Variants in RANBP2 observed in about 807,000 individuals in gnomAD.
RANBP2 encodes the protein RAN binding protein 2.
A neutral mutation model predicts 303.6 loss-of-function variants in RANBP2; 57 were observed. The ratio of observed to expected loss-of-function variants is 0.19; its 90% CI spans 0.15 to 0.23. RANBP2 has a LOEUF of 0.23. Among genes scored for constraint, RANBP2 ranks in the 10% least tolerant of loss-of-function variants. RANBP2 has a pLI of 1.00. For missense variants in RANBP2, 3,138 were observed against 3,780.8 expected, an observed-to-expected ratio of 0.83 and a Z score of 4.46; for synonymous variants, 1,167 against 1,301.5, an observed-to-expected ratio of 0.90 and a Z score of 2.23.
the RANBP2 span, chr2:109,616,810 A>G: frequency 6.0e-6 from 1 of 167,118 alleles, no homozygotes; most frequent in Non-Finnish European, 1.5e-5. Flanking sequence ...ATTAATAACT[A>G]CACAAAATTT....
chr2:109,574,443 TAAAAAAA>T, the RANBP2 span: 6 of 269,322 alleles, frequency 2.2e-5, no homozygotes, highest in Admixed American at 1.7e-4. Context: ...ACTTTATCTC[TAAAAAAA>T]AAAAAAAAAA....
intron 9 of RANBP2, among the ~76,000 whole-genome samples, chr2:108,750,590 T>TTCTTA (rs1364847050): frequency 2.0e-5 from 3 of 151,248 alleles, no homozygotes; most frequent in Non-Finnish European, 4.4e-5. Flanking sequence ...TTCTTTTCTT[T>TTCTTA]TCTTTTCTTT....
At chr2:109,385,019 ACCCTCCCTGCATGCCTGG>A in the RANBP2 span, among the ~76,000 whole-genome samples, 2 of 151,990 alleles carry the variant, frequency 1.3e-5, no homozygotes, top group Non-Finnish European at 2.9e-5. Flanking sequence ...CCAGCCTCAC[ACCCTCCCTGCATGCCTGG>A]CCCTGATCGT....
the RANBP2 span, among the ~76,000 whole-genome samples, chr2:109,357,245 G>A: frequency 1.3e-4 from 19 of 151,670 alleles, no homozygotes; most frequent in African/African-American, 1.7e-4. Context: ...GCAGTGGCAC[G>A]ATCTCGGCTT....
At chr2:108,922,354 C>G in the RANBP2 span, among the ~76,000 whole-genome samples, 1 of 152,240 alleles carries the variant, frequency 6.6e-6, no homozygotes, top group East Asian at 1.9e-4. Flanking sequence ...GAGCTGCGGC[C>G]TCCTCTAATT....
the RANBP2 span, among the ~76,000 whole-genome samples, chr2:108,792,191 A>C: frequency 7.2e-5 from 11 of 152,182 alleles, no homozygotes; most frequent in African/African-American, 2.7e-4. Flanking sequence ...ATTTCAAGGA[A>C]TGAGACAACC....
chr2:108,855,547 C>G, the RANBP2 span, among the ~76,000 whole-genome samples: 7 of 151,436 alleles, frequency 4.6e-5, no homozygotes, highest in Non-Finnish European at 7.4e-5. Flanking sequence ...CAGAATCTAG[C>G]AACTTTGTTT....
At chr2:109,433,739 C>T in the RANBP2 span, among the ~76,000 whole-genome samples, 2 of 152,202 alleles carry the variant, frequency 1.3e-5, no homozygotes, top group African/African-American at 2.4e-5. Flanking sequence ...TGCCCAGAAG[C>T]GGGGGCTAAG....
At chr2:108,973,690 C>T in the RANBP2 span, among the ~76,000 whole-genome samples, 7 of 152,152 alleles carry the variant, frequency 4.6e-5, no homozygotes, top group Middle Eastern at 3.2e-3. Context: ...ACATGGTGAC[C>T]GCTGCCTGTT....
chr2:108,865,146 A>T, the RANBP2 span, among the ~76,000 whole-genome samples: 2 of 152,022 alleles, frequency 1.3e-5, no homozygotes, highest in Admixed American at 6.5e-5. Flanking sequence ...TATATATTTT[A>T]TATAGATATA....
chr2:108,831,790 T>TG, the RANBP2 span, among the ~76,000 whole-genome samples: 3 of 150,808 alleles, frequency 2.0e-5, no homozygotes, highest in Non-Finnish European at 4.4e-5. Context: ...TGGAGCGCAA[T>TG]GGCATGATCT....
the RANBP2 span, chr2:109,615,922 G>C: frequency 9.3e-6 from 15 of 1,608,332 alleles, no homozygotes; most frequent in Non-Finnish European, 1.3e-5. Flanking sequence ...ATCCGATTCA[G>C]AACCCAGATC....
chr2:109,029,835 T>C, the RANBP2 span, among the ~76,000 whole-genome samples: 1 of 152,238 alleles, frequency 6.6e-6, no homozygotes, highest in Non-Finnish European at 1.5e-5. Context: ...GCTGTTTCTC[T>C]CAAATGGATG....
At chr2:109,195,097 A>G in the RANBP2 span, among the ~76,000 whole-genome samples, 16 of 152,344 alleles carry the variant, frequency 1.1e-4, no homozygotes, top group Admixed American at 9.8e-4. Context: ...AAAGAAGAGC[A>G]TTTTACACCT....
the RANBP2 span, among the ~76,000 whole-genome samples, chr2:109,003,227 A>T: frequency 4.6e-5 from 7 of 150,962 alleles, no homozygotes; most frequent in Admixed American, 4.6e-4. Context: ...AAAAAAAAAA[A>T]AAGATGCCAG....
At chr2:108,720,793 C>G (rs1694172291) in intron 1 of RANBP2, among the ~76,000 whole-genome samples, 1 of 152,200 alleles carries the variant, frequency 6.6e-6, no homozygotes, top group Admixed American at 6.5e-5. Flanking sequence ...CGCCTGTAAT[C>G]CCACCACTTT....
chr2:109,529,698 G>T, the RANBP2 span, among the ~76,000 whole-genome samples: 12 of 152,240 alleles, frequency 7.9e-5, no homozygotes, highest in African/African-American at 2.4e-4. Flanking sequence ...GGCTGGGCAG[G>T]AAGGGAATCT....
the RANBP2 span, among the ~76,000 whole-genome samples, chr2:109,407,962 C>T: frequency 2.0e-5 from 3 of 152,114 alleles, no homozygotes; most frequent in Non-Finnish European, 2.9e-5. Context: ...GCTGCTATGA[C>T]GAGCTAGGAA....
At chr2:108,924,979 C>T in the RANBP2 span, among the ~76,000 whole-genome samples, 1 of 152,192 alleles carries the variant, frequency 6.6e-6, no homozygotes, top group Non-Finnish European at 1.5e-5. Flanking sequence ...TCCTAGGTGG[C>T]CACCTGCTCC....
Sources: gnomAD v4.1 joint callset for allele counts (sites outside exome capture counted in the v4.1 genomes callset) on GRCh38, gnomAD v4.1.1 for gene constraint, MANE v1.5 for transcripts, NCBI Gene and HGNC (gene_info 2026-07-23, HGNC 2026-07-21) for gene names.